The following ITGB2 variants were observed in gnomAD, a reference collection of about 807,000 sequenced individuals.
ITGB2 encodes the protein integrin beta-2.
In ITGB2, 56 loss-of-function variants were observed where a neutral mutation model predicts 86.8. The observed-to-expected ratio is 0.65, with a 90% confidence interval of 0.52 to 0.81. The LOEUF (loss-of-function observed/expected upper bound fraction) is 0.81, where lower values mean the gene tolerates loss of function less well. Ranked by LOEUF, ITGB2 falls within the 30% of genes least tolerant of loss-of-function variation. The pLI is 0.00. For synonymous variants in ITGB2, 457 were observed against 450.4 expected (o/e 1.01, Z -0.19); for missense variants, 948 against 1,061.2 (o/e 0.89, Z 1.48).
Position 44,888,650 on chromosome 21 carries a change from C to T in ITGB2, c.2080+43G>A, listed in dbSNP as rs374429256. On this transcript the variant is annotated intron_variant, in intron 14 of 15. Transcript: ENST00000652462. ...CTCGCCTCTGCGGAGACCCCGCAGC[C>T]GGAGCTCTGGAGCCGGTCCCCGCTG... The T allele has an allele frequency of 2.0e-4, 326 of 1,593,426 alleles. 1 individual carries two copies. The highest frequency in any genetic ancestry group is 3.3e-4 in the Admixed American group (20 of 59,960).
upstream of ITGB2, among the ~76,000 whole-genome samples, chr21:44,922,666 A>G: frequency 6.6e-6 from 1 of 151,814 alleles, no homozygotes. Context: ...GAGAAAAAAA[A>G]AAAAAAAAAA....
chr21:44,910,460 C>T, intron 2 of ITGB2, 88 bp from the exon 3 acceptor site: 1 of 1,597,670 alleles, frequency 6.3e-7, no homozygotes, highest in Non-Finnish European at 8.5e-7. Flanking sequence ...TCAGAGGAGG[C>T]CCAAAAAGAC....
intron 2 of ITGB2, 77 bp downstream of exon 2, chr21:44,910,648 G>A (rs1161332378): frequency 6.5e-7 from 1 of 1,547,398 alleles, no homozygotes; most frequent in African/African-American, 1.4e-5. Flanking sequence ...TCTGTCTATG[G>A]GAAAGTGAGG....
At position 44,890,370 on chromosome 21, in the gene ITGB2, C is replaced by T. The variant is rs574596422; in HGVS notation, c.1413-148G>A. The T allele has an allele frequency of 1.3e-4, 128 of 1,007,980 alleles. 3 individuals are homozygous for T. The highest frequency in any genetic ancestry group is 1.2e-3 in the South Asian group (85 of 69,042). The allele number at this position is 1,007,980 out of a possible 1,614,324, so 62.4% of individuals were successfully genotyped here. A position where few individuals can be genotyped will look rare whatever the true frequency, so the allele number is the denominator to read the frequency against. The stretch of plus-strand genomic sequence containing the variant: ...CTCGAGGCCTACTGAGCACTTGCCA[C>T]GGACTAAATGTGCTCAAAACGTGCA... On this transcript the variant is annotated intron_variant, in intron 11 of 15. Transcript: ENST00000652462.
upstream of ITGB2, among the ~76,000 whole-genome samples, chr21:44,924,321 T>C (rs58645077): frequency 0.019 from 2,954 of 152,094 alleles, 80 homozygotes; most frequent in African/African-American, 0.067. Context: ...TCCCAGCTAC[T>C]TGGGAGGCTG....
intron 10 of ITGB2, 137 bp downstream of exon 10, chr21:44,893,267 T>C: frequency 2.9e-6 from 3 of 1,017,156 alleles, no homozygotes; most frequent in Non-Finnish European, 4.5e-6. Context: ...CCCGTCAGAG[T>C]GCTGGGATGG....
chr21:44,891,839 C>A lies in ITGB2; in HGVS notation c.1382G>T (p.Gly461Val), dbSNP rs1451408184. ...GATGCCGCACTCCAAGAAGCCCTTGCCATGGCAGAGGCTGCGGTCTCTGCT... is the reference window on the plus strand; with the variant it reads ...GATGCCGCACTCCAAGAAGCCCTTGACATGGCAGAGGCTGCGGTCTCTGCT... ...DQSRDRSLCH[G>V]KGFLECGICR... Residue 461 changes from glycine to valine, a missense_variant, in exon 11 of 16, where the codon GGC (glycine) becomes GTC (valine). Coordinates refer to ENST00000652462, the MANE Select transcript of ITGB2 (RefSeq NM_000211.5). The A allele has an allele frequency of 7.5e-6, 12 of 1,609,606 alleles. No individual in the cohort carries two copies. The highest frequency in any genetic ancestry group is 1.0e-5 in the Non-Finnish European group (12 of 1,179,998).
chr21:44,910,259 G>C (rs748443401), intron 3 of ITGB2, 25 bp downstream of exon 3: 3 of 1,611,332 alleles, frequency 1.9e-6, no homozygotes, highest in Middle Eastern at 3.3e-4. Flanking sequence ...CTGGGCAGGT[G>C]GGGAGGGGTC....
At chr21:44,908,182 C>G in intron 3 of ITGB2, 1 of 729,448 alleles carries the variant, frequency 1.4e-6, no homozygotes, top group South Asian at 1.5e-5. Context: ...AAAGCCGCTC[C>G]CTGTGGGACG....
At chr21:44,890,794 T>C (rs1461016666) in intron 11 of ITGB2, among the ~76,000 whole-genome samples, 1 of 152,028 alleles carries the variant, frequency 6.6e-6, no homozygotes, top group East Asian at 1.9e-4. Context: ...AGGAGGAAGC[T>C]GCAGGACCGA....
chr21:44,917,464 G>A (rs549146561), intron 1 of ITGB2, among the ~76,000 whole-genome samples: 15 of 152,304 alleles, frequency 9.8e-5, no homozygotes, highest in African/African-American at 1.9e-4. Context: ...CATGGTGGCC[G>A]ACGAATTATG....
intron 3 of ITGB2, among the ~76,000 whole-genome samples, chr21:44,909,921 C>T (rs998173368): frequency 1.3e-5 from 2 of 152,240 alleles, no homozygotes; most frequent in African/African-American, 2.4e-5. Flanking sequence ...TGCAGGAAAG[C>T]GTGCTGGCGA....
At chr21:44,894,404 G>A (rs1316778075) in intron 9 of ITGB2, 3 of 172,806 alleles carry the variant, frequency 1.7e-5, no homozygotes, top group Non-Finnish European at 2.6e-5. Context: ...TGGTGCCTGG[G>A]GCCCTGAATG....
At chr21:44,915,905 T>C (rs2084202520) in intron 1 of ITGB2, among the ~76,000 whole-genome samples, 1 of 152,144 alleles carries the variant, frequency 6.6e-6, no homozygotes, top group African/African-American at 2.4e-5. Context: ...TCTGTGAAGT[T>C]TGATAGCACA....
chr21:44,893,192 G>C (rs1373071821), intron 10 of ITGB2: 6 of 563,244 alleles, frequency 1.1e-5, no homozygotes, highest in Non-Finnish European at 1.9e-5. Flanking sequence ...GAAAGAAACA[G>C]GGTCCTTCCA....
rs1368645784 is a variant in ITGB2, at chr21:44,906,995, C to T, written c.248G>A (p.Ser83Asn). 6.2e-7 allele frequency: 1 copy of T among 1,614,196 alleles called. No individual in the cohort carries two copies. The highest frequency in any genetic ancestry group is 8.5e-7 in the Non-Finnish European group (1 of 1,180,032). Residue 83 changes from serine (S) to asparagine (N), a missense_variant, in exon 4 of 16, where the codon AGC becomes AAC. Physicochemically the swap from Ser to Asn is conservative, Grantham distance 46. Transcript: ENST00000652462. Reference protein sequence around the residue: ...CAADDIMDPTSLAETQEDHNG... With the variant: ...CAADDIMDPTNLAETQEDHNG... ...GTGGTCTTCCTGGGTTTCAGCGAGG[C>T]TTGTGGGGTCCATGATGTCGTCAGC... is the stretch of plus-strand genomic sequence containing the variant.
At position 44,901,665 on chromosome 21, in the gene ITGB2, G is replaced by A. The variant is rs2083960893; in HGVS notation, c.568C>T (p.Pro190Ser). The A allele has an allele frequency of 6.2e-7, 1 of 1,614,246 alleles. No homozygotes were observed. The highest frequency in any genetic ancestry group is 8.5e-7 in the Non-Finnish European group (1 of 1,180,032). ...VNTHPDKLRN[P>S]CPNKEKECQP... ...CACTCTTTCTCCTTGTTGGGGCATG[G>A]GTTTCGCAGCTTATCAGGGTGCGTG... Residue 190 changes from proline (P) to serine (S), a missense_variant, in exon 6 of 16, where the codon CCA (proline) becomes TCA (serine). Pro to Ser is a moderately conservative substitution (Grantham distance 74). Coordinates refer to ENST00000652462, the MANE Select transcript of ITGB2 (RefSeq NM_000211.5).
intron 11 of ITGB2, among the ~76,000 whole-genome samples, chr21:44,891,043 C>G (rs1009229903): frequency 7.9e-5 from 12 of 152,142 alleles, no homozygotes. Context: ...AGGGCACTGC[C>G]ACCAGGACGT....
intron 1 of ITGB2, among the ~76,000 whole-genome samples, chr21:44,915,182 C>T (rs1423231154): frequency 6.6e-6 from 1 of 152,100 alleles, no homozygotes; most frequent in Non-Finnish European, 1.5e-5. Flanking sequence ...CACGACCACG[C>T]CCAGCTAATT....
Sources: allele counts gnomAD v4.1 joint callset (sites outside exome capture counted in the v4.1 genomes callset), GRCh38; gene constraint gnomAD v4.1.1; transcripts MANE v1.5; gene names NCBI Gene and HGNC (gene_info 2026-07-23, HGNC 2026-07-21).